SLC2A9: variants seen among roughly 807,000 people sequenced by gnomAD.
SLC2A9 encodes the protein solute carrier family 2, facilitated glucose transporter member 9.
Under a neutral mutation model 50.6 loss-of-function variants are expected in SLC2A9, and 39 were observed. The observed-to-expected ratio is 0.77, with a 90% CI of 0.60 to 1.01. The LOEUF (loss-of-function observed/expected upper bound fraction) is 1.01. Among genes scored for constraint, SLC2A9 ranks in the 50% least tolerant of loss-of-function variants. SLC2A9 has a pLI of 0.00. For missense variants in SLC2A9, 686 were observed against 677.6 expected, an observed-to-expected ratio of 1.01 and a Z score of -0.14; for synonymous variants, 324 against 276.9, an observed-to-expected ratio of 1.17 and a Z score of -1.69.
At chr4:9,937,450 ACT>A (rs1226518410) in intron 6 of SLC2A9, among the ~76,000 whole-genome samples, 2 of 152,056 alleles carry the variant, frequency 1.3e-5, no homozygotes, top group Admixed American at 1.3e-4. Flanking sequence ...AAATGAGAAG[ACT>A]CTCAGAGGCC....
At chr4:9,816,949 A>T (rs1456312727) in intron 3 of SLC2A9, among the ~76,000 whole-genome samples, 1 of 152,180 alleles carries the variant, frequency 6.6e-6, no homozygotes, top group Non-Finnish European at 1.5e-5. Context: ...ACACCTTGGA[A>T]TCTTTAGGGG....
downstream of SLC2A9, among the ~76,000 whole-genome samples, chr4:9,776,782 G>A (rs1717627318): frequency 6.6e-6 from 1 of 152,060 alleles, no homozygotes; most frequent in African/African-American, 2.4e-5. Flanking sequence ...AGATATGAAG[G>A]CTCGTAGTTA....
intron 1 of SLC2A9, among the ~76,000 whole-genome samples, chr4:10,020,886 C>T (rs958036942): frequency 6.6e-6 from 1 of 152,194 alleles, no homozygotes; most frequent in Non-Finnish European, 1.5e-5. Context: ...CTGTGTGGCC[C>T]GCCTGTGCCC....
intron 3 of SLC2A9, chr4:9,995,778 C>T (rs1053984250): frequency 6.6e-6 from 1 of 152,318 alleles, no homozygotes; most frequent in Non-Finnish European, 1.5e-5. Flanking sequence ...AAACTATCAT[C>T]CCTATTTTAC....
At chr4:10,001,658 A>T (rs1223478577) in intron 2 of SLC2A9, among the ~76,000 whole-genome samples, 1 of 152,238 alleles carries the variant, frequency 6.6e-6, no homozygotes, top group Non-Finnish European at 1.5e-5. Flanking sequence ...CTACCAGGAC[A>T]CTGATTCCTG....
chr4:10,026,120 G>A (rs6449238), upstream of SLC2A9: 179,459 of 700,926 alleles, frequency 0.26, 26,938 homozygotes, highest in African/African-American at 0.51. Context: ...GCTCTGGCTG[G>A]GATGCCAGGA....
chr4:9,974,633 G>A (rs748107639), intron 5 of SLC2A9, among the ~76,000 whole-genome samples: 9 of 152,006 alleles, frequency 5.9e-5, no homozygotes, highest in Non-Finnish European at 1.3e-4. Flanking sequence ...AACATTCTAT[G>A]TTCATGGATT....
Position 9,967,411 on chromosome 4 carries a change from T to C in SLC2A9, c.681+13181A>G, listed in dbSNP as rs184866950. 1.1e-4 allele frequency among the ~76,000 whole-genome samples: 16 copies of C among 152,158 alleles called. No individual in the cohort carries two copies. In the East Asian group the frequency reaches 2.5e-3, roughly 24 times the overall value. On this transcript the variant is annotated intron_variant, in intron 5 of 11. Transcript: ENST00000264784. Reference sequence around the variant, plus strand: ...CTAAAAAAGGATTTCATCTATAAAATATTTGTATGTGATAGTTTAAAATTT... The same window carrying C: ...CTAAAAAAGGATTTCATCTATAAAACATTTGTATGTGATAGTTTAAAATTT...
At chr4:9,778,998 C>G (rs1174102247), downstream of SLC2A9, among the ~76,000 whole-genome samples, 2 of 152,178 alleles carry the variant, frequency 1.3e-5, no homozygotes, top group South Asian at 4.2e-4. Flanking sequence ...GATCTCCTGA[C>G]TTCATGATCT....
At chr4:9,837,503 G>A (rs1264171436) in intron 10 of SLC2A9, among the ~76,000 whole-genome samples, 1 of 152,164 alleles carries the variant, frequency 6.6e-6, no homozygotes, top group Non-Finnish European at 1.5e-5. Context: ...AAGCACCTGT[G>A]GATAACTCAG....
At chr4:9,986,640 C>G (rs1269579460) in intron 3 of SLC2A9, among the ~76,000 whole-genome samples, 2 of 151,306 alleles carry the variant, frequency 1.3e-5, no homozygotes, top group Non-Finnish European at 1.5e-5. Flanking sequence ...TCCAGTGGCT[C>G]ATAAAATAAC....
intron 5 of SLC2A9, among the ~76,000 whole-genome samples, chr4:9,958,115 A>C (rs1751617744): frequency 2.6e-5 from 4 of 152,234 alleles, no homozygotes; most frequent in Admixed American, 2.6e-4. Context: ...AGGACACTGA[A>C]GCAATGCCTT....
At chr4:10,026,080 G>T, upstream of SLC2A9, 1 of 1,118,420 alleles carries the variant, frequency 8.9e-7, no homozygotes, top group Non-Finnish European at 1.3e-6. Flanking sequence ...AGGTGGCCTG[G>T]AGCAGTCTTC....
intron 8 of SLC2A9, among the ~76,000 whole-genome samples, chr4:9,891,386 G>A (rs867550741): frequency 5.4e-4 from 83 of 152,324 alleles, no homozygotes; most frequent in Admixed American, 2.2e-3. Flanking sequence ...TCAGAGACAG[G>A]AAAACCTGGG....
chr4:9,857,892 C>T (rs1356050244), intron 10 of SLC2A9, among the ~76,000 whole-genome samples: 1 of 152,166 alleles, frequency 6.6e-6, no homozygotes, highest in Admixed American at 6.5e-5. Context: ...TCCACTGAAG[C>T]CTACTCTGGC....
intron 7 of SLC2A9, among the ~76,000 whole-genome samples, chr4:9,913,340 A>T (rs1338947648): frequency 1.2e-4 from 17 of 146,006 alleles, no homozygotes; most frequent in Non-Finnish European, 2.4e-4. Context: ...TGAGAGAGAG[A>T]GAGAGAGAGA....
intron 10 of SLC2A9, among the ~76,000 whole-genome samples, chr4:9,862,196 G>A (rs1206503364): frequency 6.6e-6 from 1 of 152,042 alleles, no homozygotes; most frequent in Non-Finnish European, 1.5e-5. Context: ...AGAACAAAGG[G>A]TAACCAGTGA....
intron 7 of SLC2A9, among the ~76,000 whole-genome samples, chr4:9,915,764 C>T (rs756260088): frequency 1.5e-4 from 23 of 152,216 alleles, no homozygotes; most frequent in Non-Finnish European, 2.4e-4. Context: ...CAGGACATAG[C>T]AAACTGCTGC....
rs1004341773 is a variant in SLC2A9 at position 10,010,047 on chromosome 4, T to A, written c.249+8928A>T. Among the ~76,000 whole-genome samples the A allele has an allele frequency of 9.2e-5, 14 of 152,142 alleles. No individual in the cohort carries two copies. The East Asian group carries it at 1.9e-3, about 21-fold the overall frequency. ...TTAACAAGATAACTCAGGATGGGGG[T>A]TGGCCATGCAAGAAAGACCAGCCAT... On this transcript the variant is annotated intron_variant, in intron 2 of 11. Transcript: ENST00000264784.
Sources: gnomAD v4.1 joint callset for allele counts (sites outside exome capture counted in the v4.1 genomes callset) on GRCh38, gnomAD v4.1.1 for gene constraint, MANE v1.5 for transcripts, NCBI Gene and HGNC (gene_info 2026-07-23, HGNC 2026-07-21) for gene names.